OR8B3: variants seen among roughly 807,000 people sequenced by gnomAD.
OR8B3 encodes olfactory receptor 8B3.
For synonymous variants in OR8B3, 102 were observed against 135.4 expected, an observed-to-expected ratio of 0.75 and a Z score of 1.71; for missense variants, 278 against 377.6, an observed-to-expected ratio of 0.74 and a Z score of 2.19.
upstream of OR8B3, among the ~76,000 whole-genome samples, chr11:124,401,243 A>AGT (rs1860990223): frequency 6.6e-6 from 1 of 152,056 alleles, no homozygotes; most frequent in South Asian, 2.1e-4. Context: ...AGAGAGAGAG[A>AGT]GAGAGACTGG....
At chr11:124,398,281 G>T (rs1437057706) in intron 1 of OR8B3, among the ~76,000 whole-genome samples, 1 of 150,846 alleles carries the variant, frequency 6.6e-6, no homozygotes, top group African/African-American at 2.5e-5. Flanking sequence ...TAGACAGGAT[G>T]AAGAAAGGAA....
chr11:124,404,402 G>A, the OR8B3 span: 28 of 152,074 alleles, frequency 1.8e-4, no homozygotes, highest in African/African-American at 6.3e-4. Flanking sequence ...TTTTTCTTGT[G>A]AGTAACCCAC....
Position 124,397,127 on chromosome 11 carries a change from A to G in OR8B3, c.225T>C (p.Ser75=), listed in dbSNP as rs375882843. The change falls in exon 2 of 2, where the codon TCT becomes TCC. Residue 75 remains serine (S), a synonymous_variant. Coordinates refer to ENST00000641139, the MANE Select transcript of OR8B3 (RefSeq NM_001005467.2). ...TCATTAGCATTTTGGGAGTGAAAAC[A>G]GAGGAGTAACAGAGATCAATGAAGG... is the stretch of plus-strand genomic sequence containing the variant. ...NLSFIDLCYS[S]VFTPKMLMNF... is the part of the protein sequence containing the mutation. 61 of 1,613,236 alleles carry G rather than the reference A, an allele frequency of 3.8e-5. No homozygotes were observed. In the African/African-American group the frequency reaches 7.2e-4, roughly 19 times the overall value.
the OR8B3 span, chr11:124,405,241 A>C: frequency 6.6e-6 from 1 of 152,278 alleles, no homozygotes; most frequent in African/African-American, 2.4e-5. Flanking sequence ...CAAGTGATCC[A>C]AGGAGGAAGA....
chr11:124,400,096 A>G (rs541808126), upstream of OR8B3, among the ~76,000 whole-genome samples: 27 of 152,298 alleles, frequency 1.8e-4, no homozygotes, highest in South Asian at 3.1e-3. Flanking sequence ...CCTGGGATCA[A>G]GTAATCCACC....
the OR8B3 span, among the ~76,000 whole-genome samples, chr11:124,408,472 A>G: frequency 6.6e-6 from 1 of 152,208 alleles, no homozygotes; most frequent in South Asian, 2.1e-4. Context: ...TTTTATTGTA[A>G]GTGGCTCTTT....
the OR8B3 span, chr11:124,404,840 C>T: frequency 4.6e-5 from 7 of 152,144 alleles, no homozygotes; most frequent in African/African-American, 1.7e-4. Flanking sequence ...GTTGGCCATC[C>T]CACAAAGGAG....
upstream of OR8B3, among the ~76,000 whole-genome samples, chr11:124,401,637 G>T (rs568270394): frequency 6.6e-6 from 1 of 152,294 alleles, no homozygotes; most frequent in South Asian, 2.1e-4. Context: ...GCTCTAATTT[G>T]CAGAAAGTGT....
the OR8B3 span, among the ~76,000 whole-genome samples, chr11:124,405,881 T>C: frequency 6.6e-6 from 1 of 152,234 alleles, no homozygotes; most frequent in Non-Finnish European, 1.5e-5. Context: ...CTTTGGATCC[T>C]TCTGTACTCA....
At chr11:124,402,453 A>G (rs1382989811), upstream of OR8B3, among the ~76,000 whole-genome samples, 1 of 152,166 alleles carries the variant, frequency 6.6e-6, no homozygotes, top group African/African-American at 2.4e-5. Context: ...GGCCTGTAAA[A>G]TAAGTCTGTT....
chr11:124,402,546 C>T (rs140937469), upstream of OR8B3, among the ~76,000 whole-genome samples: 626 of 152,272 alleles, frequency 4.1e-3, 3 homozygotes, highest in African/African-American at 0.015. Context: ...TCAGACTGCA[C>T]GGTGCATGCC....
Position 124,397,963 on chromosome 11 carries a change from G to A in OR8B3, c.-17-595C>T, listed in dbSNP as rs564973313. 1.7e-3 allele frequency among the ~76,000 whole-genome samples: 253 copies of A among 152,076 alleles called. 6 individuals are homozygous for A. In the South Asian group the frequency reaches 0.047, roughly 28 times the overall value. On this transcript the variant is annotated intron_variant, in intron 1 of 1. Coordinates refer to ENST00000641139, the MANE Select transcript of OR8B3 (RefSeq NM_001005467.2). ...ACCTGCCTCAGCCTCCCAAAGTGCT[G>A]GAATTACAGGTGTGAACCACCGAGC...
At chr11:124,405,078 C>G in the OR8B3 span, 1 of 152,088 alleles carries the variant, frequency 6.6e-6, no homozygotes. Flanking sequence ...ATTCAGTCAC[C>G]GAAGAGTTAT....
chr11:124,400,187 A>G (rs1358644434), upstream of OR8B3, among the ~76,000 whole-genome samples: 1 of 152,184 alleles, frequency 6.6e-6, no homozygotes, highest in African/African-American at 2.4e-5. Flanking sequence ...AAAGAGATGT[A>G]TAAACTTTTG....
chr11:124,402,567 C>G (rs1004966612), upstream of OR8B3, among the ~76,000 whole-genome samples: 2 of 152,212 alleles, frequency 1.3e-5, no homozygotes, highest in African/African-American at 4.8e-5. Flanking sequence ...AAACCTGCGA[C>G]TCATATTTTA....
chr11:124,402,642 A>G (rs140647993), upstream of OR8B3, among the ~76,000 whole-genome samples: 2 of 152,310 alleles, frequency 1.3e-5, no homozygotes, highest in East Asian at 3.9e-4. Context: ...GAAGTTTTTT[A>G]AAGATGTGCT....
intron 1 of OR8B3, among the ~76,000 whole-genome samples, chr11:124,398,182 C>A (rs978020126): frequency 5.9e-5 from 9 of 152,132 alleles, no homozygotes; most frequent in African/African-American, 1.9e-4. Context: ...CAGGTGATAA[C>A]AGAAGACCCT....
the OR8B3 span, among the ~76,000 whole-genome samples, chr11:124,409,233 A>G: frequency 1.7e-4 from 26 of 152,354 alleles, no homozygotes; most frequent in East Asian, 4.4e-3. Flanking sequence ...ATATGGCACT[A>G]TTGTACCTTG....
upstream of OR8B3, among the ~76,000 whole-genome samples, chr11:124,400,432 AT>A (rs1441421467): frequency 6.6e-6 from 1 of 152,112 alleles, no homozygotes; most frequent in African/African-American, 2.4e-5. Flanking sequence ...CCAAAAACAT[AT>A]ACCTCCTTTC....
Sources: allele counts gnomAD v4.1 joint callset (sites outside exome capture counted in the v4.1 genomes callset), GRCh38; gene constraint gnomAD v4.1.1; transcripts MANE v1.5; gene names NCBI Gene and HGNC (gene_info 2026-07-23, HGNC 2026-07-21).